Variants in PTGER2 observed in about 807,000 individuals in gnomAD.
The protein encoded by PTGER2 is prostaglandin E2 receptor EP2 subtype.
In PTGER2, 22 loss-of-function variants were observed where a neutral mutation model predicts 26.2. The ratio of observed to expected loss-of-function variants is 0.84; its 90% CI spans 0.60 to 1.20. The LOEUF (loss-of-function observed/expected upper bound fraction) is 1.20, where lower values mean the gene tolerates loss of function less well. Ranked by LOEUF, PTGER2 falls within the 50% of genes most tolerant of loss-of-function variation. The probability of loss-of-function intolerance (pLI) is 0.00; values close to 1 mark genes in which losing one functional copy is unlikely to be tolerated. For synonymous variants in PTGER2, 219 were observed against 208.9 expected (o/e 1.05, Z -0.42); for missense variants, 458 against 475.2 (o/e 0.96, Z 0.34).
chr14:52,322,789 C>T (rs183811184), intron 1 of PTGER2, among the ~76,000 whole-genome samples: 5 of 152,234 alleles, frequency 3.3e-5, no homozygotes, highest in Non-Finnish European at 7.4e-5. Flanking sequence ...AATATCTTCC[C>T]TACATGCATG....
chr14:52,314,339 C>A lies in PTGER2; in HGVS notation c.-210C>A, dbSNP rs2033808249. The A allele has an allele frequency of 6.4e-6, 3 of 471,048 alleles. No individual in the cohort carries two copies. The highest frequency in any genetic ancestry group is 9.9e-6 in the Non-Finnish European group (3 of 301,580). The allele number at this position is 471,048 out of a possible 1,614,324, so 29.2% of individuals were successfully genotyped here. A position where few individuals can be genotyped will look rare whatever the true frequency, so the allele number is the denominator to read the frequency against. ...GGGTAGGCGCGGGAGCCTCGAGCGC[C>A]GCTCGGATGCAGCAGCCGAGCCGCC... is the stretch of plus-strand genomic sequence containing the variant. On this transcript the variant is annotated 5_prime_UTR_variant, in exon 1 of 2. Transcript: ENST00000245457. The surrounding 1 kb of genome is among the most constrained non-coding windows in gnomAD (Gnocchi z 5.7).
intron 1 of PTGER2, among the ~76,000 whole-genome samples, chr14:52,317,778 T>C (rs541434170): frequency 2.6e-5 from 4 of 152,332 alleles, no homozygotes; most frequent in African/African-American, 9.6e-5. Flanking sequence ...AGTGTGAACA[T>C]AATCAGAAAG....
intron 1 of PTGER2, among the ~76,000 whole-genome samples, chr14:52,322,555 C>T (rs1020339619): frequency 1.3e-5 from 2 of 152,070 alleles, no homozygotes; most frequent in Non-Finnish European, 2.9e-5. Context: ...AAACAGGGTT[C>T]GAGAGCAGAG....
In PTGER2 at chr14:52,314,945, G is replaced by T. The variant is rs1374084250; in HGVS notation, c.397G>T (p.Glu133Ter). The T allele has an allele frequency of 6.2e-7, 1 of 1,613,052 alleles. No individual in the cohort carries two copies. ...TMLMLFAMAL[E>*]RYLSIGHPYF... ...GCTCATGCTCTTCGCCATGGCCCTG[G>T]AGCGCTACCTCTCGATCGGGCACCC... The change falls in exon 1 of 2, where the codon GAG becomes TAG. Residue 133 changes from glutamate to a stop codon, truncating the protein, a stop_gained. Coordinates refer to ENST00000245457, the MANE Select transcript of PTGER2 (RefSeq NM_000956.4). LOFTEE classifies it high-confidence loss of function. The surrounding 1 kb of genome is among the most constrained non-coding windows in gnomAD (Gnocchi z 5.7).
intron 1 of PTGER2, among the ~76,000 whole-genome samples, chr14:52,317,194 A>G (rs1372388368): frequency 6.6e-6 from 1 of 152,170 alleles, no homozygotes; most frequent in Non-Finnish European, 1.5e-5. Flanking sequence ...ATTTGTGAGT[A>G]TATTTATAAA....
In PTGER2 at chr14:52,328,382, C is replaced by T. The variant is rs1042618; in HGVS notation, c.*928C>T. On this transcript the variant is annotated 3_prime_UTR_variant, in exon 2 of 2. Coordinates refer to ENST00000245457, the MANE Select transcript of PTGER2 (RefSeq NM_000956.4). ...ATTTTATAAGATGACTGTGTTGTAC[C>T]AAAATTCATCTGTCTATATTTTATT... is the stretch of plus-strand genomic sequence containing the variant. 20,788 of 152,534 alleles carry T rather than the reference C, an allele frequency of 0.14. 1,908 individuals carry two copies. The highest frequency in any genetic ancestry group is 0.46 in the South Asian group (2,195 of 4,814). The allele number at this position is 152,534 out of a possible 1,614,324, so 9.4% of individuals were successfully genotyped here. A position where few individuals can be genotyped will look rare whatever the true frequency, so the allele number is the denominator to read the frequency against.
chr14:52,316,535 G>A (rs962557160), intron 1 of PTGER2, among the ~76,000 whole-genome samples: 2 of 152,146 alleles, frequency 1.3e-5, no homozygotes, highest in Admixed American at 1.3e-4. Flanking sequence ...CCACAATCTT[G>A]GAGAAAAGAG....
chr14:52,327,572 A>G lies in PTGER2; in HGVS notation c.*118A>G. 2 of 816,516 alleles carry G rather than the reference A, an allele frequency of 2.4e-6. No individual in the cohort carries two copies. The highest frequency in any genetic ancestry group is 3.8e-6 in the Non-Finnish European group (2 of 530,468). The allele number at this position is 816,516 out of a possible 1,614,324, so 50.6% of individuals were successfully genotyped here. A position where few individuals can be genotyped will look rare whatever the true frequency, so the allele number is the denominator to read the frequency against. On this transcript the variant is annotated 3_prime_UTR_variant, in exon 2 of 2. Transcript: ENST00000245457. ...TGAAGCTGCCCTAATAAAAAGGAGTATACAAACATTTAAGCTGTGGTCAAG... is the reference window on the plus strand; with the variant it reads ...TGAAGCTGCCCTAATAAAAAGGAGTGTACAAACATTTAAGCTGTGGTCAAG...
At chr14:52,320,407 T>TGG (rs2033883197) in intron 1 of PTGER2, among the ~76,000 whole-genome samples, 1 of 152,228 alleles carries the variant, frequency 6.6e-6, no homozygotes, top group South Asian at 2.1e-4. Flanking sequence ...AAGTGGGTCC[T>TGG]CACTGCTATC....
At chr14:52,321,497 TCTC>T (rs758764421) in intron 1 of PTGER2, among the ~76,000 whole-genome samples, 14 of 152,080 alleles carry the variant, frequency 9.2e-5, no homozygotes, top group Admixed American at 4.6e-4. Context: ...TGAAGAGAAA[TCTC>T]CTCCAAACCC....
intron 1 of PTGER2, among the ~76,000 whole-genome samples, chr14:52,323,533 C>T (rs781746656): frequency 1.4e-4 from 21 of 152,154 alleles, no homozygotes; most frequent in Non-Finnish European, 2.2e-4. Flanking sequence ...GGATTACAGG[C>T]GTGAGCCACC....
chr14:52,323,355 G>A (rs1326864719), intron 1 of PTGER2, among the ~76,000 whole-genome samples: 1 of 152,112 alleles, frequency 6.6e-6, no homozygotes, highest in Non-Finnish European at 1.5e-5. Flanking sequence ...CTAGGTTCAA[G>A]CAATCCTTCC....
chr14:52,314,467 G>C lies in PTGER2; in HGVS notation c.-82G>C. On this transcript the variant is annotated 5_prime_UTR_variant, in exon 1 of 2. Transcript: ENST00000245457. This position sits in a 1 kb window ranked among gnomAD's most constrained non-coding sequence, Gnocchi z 5.7. ...CCCTCCCCTTTTTCCTCTGAGTCTCGGAACGCTCCGGCTCTCAGACCCTCT... is the reference window on the plus strand; with the variant it reads ...CCCTCCCCTTTTTCCTCTGAGTCTCCGAACGCTCCGGCTCTCAGACCCTCT... 2 of 1,323,824 alleles carry C rather than the reference G, an allele frequency of 1.5e-6. No homozygotes were observed. Among genetic ancestry groups the C allele is most frequent in the Non-Finnish European group, 9.8e-7 (1 of 1,023,756 alleles). 82.0% of individuals were successfully genotyped at this position (1,323,824 alleles called of 1,614,324 possible). A position where few individuals can be genotyped will look rare whatever the true frequency, so the allele number is the denominator to read the frequency against.
At chr14:52,324,297 T>C (rs1265224467) in intron 1 of PTGER2, among the ~76,000 whole-genome samples, 1 of 152,160 alleles carries the variant, frequency 6.6e-6, no homozygotes, top group African/African-American at 2.4e-5. Flanking sequence ...TATTGGAGTT[T>C]CCACAAGAAA....
At position 52,314,717 on chromosome 14, in the gene PTGER2, A is replaced by C; in HGVS notation, c.169A>C (p.Ser57Arg). The C allele has an allele frequency of 1.3e-6, 2 of 1,577,242 alleles. No homozygotes were observed. The highest frequency in any genetic ancestry group is 8.6e-7 in the Non-Finnish European group (1 of 1,157,148). ...ARRWRGDVGC[S>R]AGRRSSLSLF... ...CCGCTGGCGGGGGGACGTGGGGTGC[A>C]GCGCCGGCCGCAGGAGCTCCCTCTC... is the stretch of plus-strand genomic sequence containing the variant. The change falls in exon 1 of 2, where the codon AGC (serine) becomes CGC (arginine). Residue 57 changes from serine to arginine, a missense_variant. By Grantham distance (110) the Ser-to-Arg change is moderately radical. Coordinates refer to ENST00000245457, the MANE Select transcript of PTGER2 (RefSeq NM_000956.4). This position sits in a 1 kb window ranked among gnomAD's most constrained non-coding sequence, Gnocchi z 5.7.
At chr14:52,323,490 G>T (rs1407099432) in intron 1 of PTGER2, among the ~76,000 whole-genome samples, 1 of 152,102 alleles carries the variant, frequency 6.6e-6, no homozygotes, top group East Asian at 1.9e-4. Context: ...CTCACCTCAG[G>T]TGACCTGCCT....
chr14:52,323,145 C>A (rs1246547677), intron 1 of PTGER2, among the ~76,000 whole-genome samples: 2 of 152,214 alleles, frequency 1.3e-5, no homozygotes, highest in Non-Finnish European at 2.9e-5. Context: ...TCTGCCGCGG[C>A]TCCAACCAGT....
intron 1 of PTGER2, among the ~76,000 whole-genome samples, chr14:52,316,433 G>C (rs1039491519): frequency 6.6e-6 from 1 of 152,186 alleles, no homozygotes. Context: ...CGGGGGCTAG[G>C]AATTGGGAGT....
Position 52,315,301 on chromosome 14 carries a change from G to A in PTGER2, c.753G>A (p.Gly251=), listed in dbSNP as rs1231243570. 1.2e-6 allele frequency: 2 copies of A among 1,613,490 alleles called. No individual in the cohort carries two copies. Among genetic ancestry groups the A allele is most frequent in the East Asian group, 2.2e-5 (1 of 44,844 alleles). The change falls in exon 1 of 2, where the codon GGG becomes GGA. Residue 251 remains glycine, a synonymous_variant. Coordinates refer to ENST00000245457, the MANE Select transcript of PTGER2 (RefSeq NM_000956.4). ...GRGGPGARRR[G]ERVSMAEETD... ...GCGGCCCCGGGGCCCGCAGGAGAGGGGAAAGGGTGTCCATGGCGGAGGAGA... is the reference window on the plus strand; with the variant it reads ...GCGGCCCCGGGGCCCGCAGGAGAGGAGAAAGGGTGTCCATGGCGGAGGAGA...
Sources: gnomAD v4.1 joint callset for allele counts (sites outside exome capture counted in the v4.1 genomes callset) on GRCh38, gnomAD v4.1.1 for gene constraint, Gnocchi (gnomAD v3.1) non-coding constraint, MANE v1.5 for transcripts, NCBI Gene and HGNC (gene_info 2026-07-23, HGNC 2026-07-21) for gene names.